Variants in GPHN observed in about 807,000 individuals in gnomAD.
The protein encoded by GPHN is gephyrin.
A neutral mutation model predicts 95.5 loss-of-function variants in GPHN; 17 were observed. That is an observed-to-expected ratio of 0.18 (90% CI 0.12 to 0.27). The LOEUF (loss-of-function observed/expected upper bound fraction) is 0.27. GPHN is among the 10% of genes least tolerant of loss of function. The pLI, the probability that GPHN is intolerant of heterozygous loss-of-function variation, is 1.00. For synonymous variants in GPHN, 320 were observed against 322.5 expected (o/e 0.99, Z 0.08); for missense variants, 660 against 978.1 (o/e 0.67, Z 4.34).
chr14:67,409,429 G>GA, the GPHN span, among the ~76,000 whole-genome samples: 3 of 152,140 alleles, frequency 2.0e-5, no homozygotes, highest in African/African-American at 7.2e-5. Flanking sequence ...AGCTTTTACA[G>GA]AGCTTTACAA....
chr14:67,562,308 A>G, the GPHN span: 2 of 1,613,804 alleles, frequency 1.2e-6, no homozygotes, highest in African/African-American at 2.7e-5. Flanking sequence ...CTGCAGAGCA[A>G]GGACTCTGTT....
the GPHN span, among the ~76,000 whole-genome samples, chr14:67,216,270 G>A: frequency 4.6e-5 from 7 of 152,088 alleles, no homozygotes; most frequent in African/African-American, 1.7e-4. Flanking sequence ...TATTCATCTG[G>A]GATACTAACC....
the GPHN span, among the ~76,000 whole-genome samples, chr14:67,697,451 A>G: frequency 6.6e-6 from 1 of 152,348 alleles, no homozygotes; most frequent in South Asian, 2.1e-4. Flanking sequence ...AAAACCGTCT[A>G]GGGAGAAGGG....
intron 1 of GPHN, among the ~76,000 whole-genome samples, chr14:66,533,274 T>C (rs1267550817): frequency 3.3e-5 from 5 of 152,226 alleles, no homozygotes; most frequent in Non-Finnish European, 5.9e-5. Flanking sequence ...GAGTAGAGGA[T>C]GGCAGCTTTT....
intron 2 of GPHN, among the ~76,000 whole-genome samples, chr14:66,708,031 CAATT>C (rs1234615887): frequency 6.6e-6 from 1 of 152,034 alleles, no homozygotes; most frequent in African/African-American, 2.4e-5. Flanking sequence ...TTTTGGTGCT[CAATT>C]GATTGAACAG....
At chr14:66,808,050 G>A (rs112927209) in intron 3 of GPHN, among the ~76,000 whole-genome samples, 2,380 of 152,210 alleles carry the variant, frequency 0.016, 32 homozygotes, top group Non-Finnish European at 0.018. Context: ...TGACAGTATT[G>A]TCAATCTTTT....
At chr14:67,392,487 C>T in the GPHN span, 43,230 of 1,374,708 alleles carry the variant, frequency 0.031, 780 homozygotes, top group East Asian at 0.046. Context: ...CAGGCTATGG[C>T]GGCTGTCAGA....
At chr14:67,076,741 A>G (rs2076509594) in intron 11 of GPHN, among the ~76,000 whole-genome samples, 1 of 152,206 alleles carries the variant, frequency 6.6e-6, no homozygotes, top group South Asian at 2.1e-4. Flanking sequence ...AAACTTTTGA[A>G]GAATTTATAA....
intron 9 of GPHN, chr14:66,996,319 C>T: frequency 1.3e-6 from 1 of 797,928 alleles, no homozygotes; most frequent in Non-Finnish European, 2.1e-6. Context: ...TTGCCTTGCA[C>T]TTTGCACTTG....
At chr14:67,288,270 C>T in the GPHN span, among the ~76,000 whole-genome samples, 14 of 152,018 alleles carry the variant, frequency 9.2e-5, no homozygotes, top group Admixed American at 3.3e-4. Context: ...TCAGTAGAGA[C>T]GGGATTTTAC....
chr14:66,948,094 A>G (rs1055687900), intron 8 of GPHN, among the ~76,000 whole-genome samples: 4 of 152,232 alleles, frequency 2.6e-5, no homozygotes, highest in Admixed American at 2.6e-4. Flanking sequence ...ACATTCTTCT[A>G]TGCATTTTAT....
chr14:67,150,303 T>G (rs2081178420), intron 18 of GPHN, among the ~76,000 whole-genome samples: 1 of 150,054 alleles, frequency 6.7e-6, no homozygotes, highest in African/African-American at 2.4e-5. Context: ...TAGCCGGGCG[T>G]AGTGGCGGGC....
At chr14:66,965,411 T>C (rs2069252369) in intron 9 of GPHN, 86 bp downstream of exon 9, 1 of 1,177,342 alleles carries the variant, frequency 8.5e-7, no homozygotes, top group Non-Finnish European at 1.3e-6. Context: ...CTTGTCAAGG[T>C]TGGATTGCAT....
chr14:66,970,614 A>G (rs954625067), intron 9 of GPHN, among the ~76,000 whole-genome samples: 3 of 152,204 alleles, frequency 2.0e-5, no homozygotes, highest in Non-Finnish European at 4.4e-5. Flanking sequence ...AAATCAAGTC[A>G]CTAACTGGTG....
intron 10 of GPHN, among the ~76,000 whole-genome samples, chr14:67,032,992 G>T (rs1313406223): frequency 6.6e-6 from 1 of 152,106 alleles, no homozygotes; most frequent in Non-Finnish European, 1.5e-5. Flanking sequence ...AAAGGTCACT[G>T]ATCTAAGAGA....
intron 2 of GPHN, among the ~76,000 whole-genome samples, chr14:66,748,993 C>A (rs1364964157): frequency 6.6e-6 from 1 of 151,900 alleles, no homozygotes; most frequent in Non-Finnish European, 1.5e-5. Context: ...TAAAAATCCT[C>A]TGTATTCTAC....
At chr14:66,882,457 G>C (rs977568810) in intron 5 of GPHN, among the ~76,000 whole-genome samples, 2 of 151,610 alleles carry the variant, frequency 1.3e-5, no homozygotes, top group Non-Finnish European at 3.0e-5. Flanking sequence ...CCTACTATTT[G>C]GACAACTTAA....
chr14:67,584,032 T>C, the GPHN span: 48 of 1,613,906 alleles, frequency 3.0e-5, no homozygotes, highest in Non-Finnish European at 3.8e-5. Flanking sequence ...ATGGGCAACA[T>C]TGCAAGGATG....
intron 1 of GPHN, among the ~76,000 whole-genome samples, chr14:66,534,033 G>A (rs1048033604): frequency 1.1e-4 from 16 of 152,218 alleles, no homozygotes; most frequent in African/African-American, 3.9e-4. Context: ...CTGGTCTTGG[G>A]TATTTTTGAA....
Sources: allele counts gnomAD v4.1 joint callset (sites outside exome capture counted in the v4.1 genomes callset), GRCh38; gene constraint gnomAD v4.1.1; transcripts MANE v1.5; gene names NCBI Gene and HGNC (gene_info 2026-07-23, HGNC 2026-07-21).